Variants in QSER1 observed in about 807,000 individuals in gnomAD.
QSER1 encodes the protein glutamine and serine rich 1.
A neutral mutation model predicts 158.5 loss-of-function variants in QSER1; 49 were observed. The ratio of observed to expected loss-of-function variants is 0.31; its 90% confidence interval spans 0.25 to 0.39. QSER1 has a LOEUF of 0.39. Ranked by LOEUF, QSER1 falls within the 10% of genes least tolerant of loss-of-function variation. QSER1 has a pLI of 1.00. For missense variants in QSER1, 1,754 were observed against 2,010.3 expected, an observed-to-expected ratio of 0.87 and a Z score of 2.44; for synonymous variants, 650 against 715.5, an observed-to-expected ratio of 0.91 and a Z score of 1.46.
intron 1 of QSER1, among the ~76,000 whole-genome samples, chr11:32,917,027 TCCAC>T (rs923239530): frequency 1.3e-5 from 2 of 152,248 alleles, no homozygotes; most frequent in Non-Finnish European, 2.9e-5. Flanking sequence ...CCTCAGGTGA[TCCAC>T]CCACCTCGGC....
chr11:32,902,986 G>A (rs1374782833), intron 1 of QSER1, among the ~76,000 whole-genome samples: 1 of 152,146 alleles, frequency 6.6e-6, no homozygotes, highest in Non-Finnish European at 1.5e-5. Flanking sequence ...TTAATCATAA[G>A]CTTTCAGGGA....
chr11:32,903,498 G>C (rs1851650323), intron 1 of QSER1, among the ~76,000 whole-genome samples: 1 of 151,220 alleles, frequency 6.6e-6, no homozygotes, highest in Non-Finnish European at 1.5e-5. Flanking sequence ...GACTGGGCAG[G>C]CTCATTGAAA....
intron 4 of QSER1, among the ~76,000 whole-genome samples, chr11:32,951,102 T>C (rs2133577865): frequency 6.6e-6 from 1 of 152,354 alleles, no homozygotes; most frequent in Admixed American, 6.5e-5. Context: ...TCATCAGTGA[T>C]CTATAAGGAT....
At chr11:32,902,690 G>A (rs980738516) in intron 1 of QSER1, among the ~76,000 whole-genome samples, 2 of 152,278 alleles carry the variant, frequency 1.3e-5, no homozygotes, top group East Asian at 3.9e-4. Flanking sequence ...CAGAGATTAA[G>A]GTCTTTGAGG....
At chr11:32,907,209 T>A (rs1349259664) in intron 1 of QSER1, among the ~76,000 whole-genome samples, 1 of 152,188 alleles carries the variant, frequency 6.6e-6, no homozygotes, top group Non-Finnish European at 1.5e-5. Flanking sequence ...TCTAAAAGTT[T>A]GTAAGGAAAG....
chr11:32,973,514 C>A lies in QSER1; in HGVS notation c.5323C>A (p.Leu1775Ile). ...TGGCAAAGCCTATAATAAGAAAACT[C>A]TAAGGACTTCTAAAACAACCACCAA... Reference protein sequence around the residue: ...MNGKAYNKKTLRTSKTTTKSA... With the variant: ...MNGKAYNKKTIRTSKTTTKSA... The change falls in exon 11 of 13, where the codon CTA becomes ATA. Residue 1775 changes from leucine to isoleucine, a missense_variant. Transcript: ENST00000650167. 6.2e-7 allele frequency: 1 copy of A among 1,611,872 alleles called. No individual in the cohort carries two copies. The highest frequency in any genetic ancestry group is 8.5e-7 in the Non-Finnish European group (1 of 1,179,400).
chr11:32,932,084 C>T lies in QSER1; in HGVS notation c.826C>T (p.Pro276Ser), dbSNP rs778543172. Residue 276 changes from proline to serine, a missense_variant, in exon 4 of 13, where the codon CCT becomes TCT. Physicochemically the swap from Pro to Ser is moderately conservative, Grantham distance 74. This residue lies in a region of QSER1 where 1,707 missense variants were observed against 1,919.6 expected (regional missense o/e 0.89). Transcript: ENST00000650167. ...AGAGTCTGCACCCCATCTTTTACAACCTCAATTTAGTTTGTTGCCTTCAGC... is the reference window on the plus strand; with the variant it reads ...AGAGTCTGCACCCCATCTTTTACAATCTCAATTTAGTTTGTTGCCTTCAGC... ...AQESAPHLLQ[P>S]QFSLLPSALG... is the part of the protein sequence containing the mutation. The T allele has an allele frequency of 1.9e-6, 3 of 1,614,146 alleles. No homozygotes were observed. The highest frequency in any genetic ancestry group is 2.2e-5 in the South Asian group (2 of 91,084).
At position 32,934,316 on chromosome 11, in the gene QSER1, C is replaced by G; in HGVS notation, c.3058C>G (p.Gln1020Glu). ...VEDGDSKSHFQQSLDVRHVTS... is the reference protein window; with the variant it reads ...VEDGDSKSHFEQSLDVRHVTS... ...AGATGGTGATTCTAAATCTCATTTT[C>G]AGCAGTCATTAGATGTCAGGCATGT... Residue 1020 changes from glutamine to glutamate, a missense_variant, in exon 4 of 13, where the codon CAG becomes GAG. Gln to Glu is a conservative substitution (Grantham distance 29). Around this residue, in one of 2 missense-constraint regions of QSER1, gnomAD observed 1,707 missense variants for 1,919.6 expected, o/e 0.89. Coordinates refer to ENST00000650167, the MANE Select transcript of QSER1 (RefSeq NM_001076786.3). 1.2e-6 allele frequency: 2 copies of G among 1,614,000 alleles called. No individual in the cohort carries two copies. The highest frequency in any genetic ancestry group is 2.2e-5 in the South Asian group (2 of 91,060).
chr11:32,898,521 C>T (rs1402477227), intron 1 of QSER1, among the ~76,000 whole-genome samples: 8 of 141,052 alleles, frequency 5.7e-5, no homozygotes, highest in African/African-American at 2.2e-4. Context: ...CACACACACA[C>T]ACACACACAT....
chr11:32,929,674 ATTAGTG>A (rs1485581432), intron 3 of QSER1, among the ~76,000 whole-genome samples: 2 of 152,286 alleles, frequency 1.3e-5, no homozygotes, highest in East Asian at 1.9e-4. Context: ...GGAAGAAGGT[ATTAGTG>A]TTAGTGTGTT....
chr11:32,924,453 G>A (rs753660000), intron 1 of QSER1, among the ~76,000 whole-genome samples: 10 of 151,108 alleles, frequency 6.6e-5, no homozygotes, highest in East Asian at 1.9e-4. Flanking sequence ...CCAGCTACTC[G>A]AGAGACTGAG....
intron 3 of QSER1, among the ~76,000 whole-genome samples, chr11:32,930,088 CTT>C (rs1460433086): frequency 1.3e-5 from 2 of 152,250 alleles, no homozygotes; most frequent in Non-Finnish European, 1.5e-5. Context: ...TTATTTGTAA[CTT>C]TACATTTAGT....
intron 1 of QSER1, among the ~76,000 whole-genome samples, chr11:32,914,423 A>T (rs1013253099): frequency 2.0e-5 from 3 of 152,198 alleles, no homozygotes; most frequent in Non-Finnish European, 2.9e-5. Flanking sequence ...GCTTAAAGAG[A>T]ATTCTATTTT....
Position 32,935,198 on chromosome 11 carries a change from C to A in QSER1, c.3940C>A (p.Arg1314Ser). ...TAGACGGCCAGGGACCCAGATGGTTCGTACATTTTGTCCCCCACCACTTCC... is the reference window on the plus strand; with the variant it reads ...TAGACGGCCAGGGACCCAGATGGTTAGTACATTTTGTCCCCCACCACTTCC... ...RTRRPGTQMVRTFCPPPLPKP... is the reference protein window; with the variant it reads ...RTRRPGTQMVSTFCPPPLPKP... Residue 1314 changes from arginine to serine, a missense_variant, in exon 4 of 13, where the codon CGT (arginine) becomes AGT (serine). Transcript: ENST00000650167. 6.2e-7 allele frequency: 1 copy of A among 1,613,960 alleles called. No individual in the cohort carries two copies. The highest frequency in any genetic ancestry group is 8.5e-7 in the Non-Finnish European group (1 of 1,179,906).
chr11:32,976,566 T>A lies in QSER1; in HGVS notation c.*92T>A. The stretch of plus-strand genomic sequence containing the variant: ...AATCAGATGTCAAGTAGTGGCCTTC[T>A]GCAGGCCGGCCGCTTCCATCATGGA... On this transcript the variant is annotated 3_prime_UTR_variant, in exon 13 of 13. Coordinates refer to ENST00000650167, the MANE Select transcript of QSER1 (RefSeq NM_001076786.3). 7.2e-7 allele frequency: 1 copy of A among 1,383,066 alleles called. No individual in the cohort carries two copies. Among genetic ancestry groups the A allele is most frequent in the Non-Finnish European group, 1.0e-6 (1 of 993,466 alleles). 85.7% of individuals were successfully genotyped at this position (1,383,066 alleles called of 1,614,324 possible).
At chr11:32,961,143 T>C (rs1852616080) in intron 8 of QSER1, among the ~76,000 whole-genome samples, 1 of 152,170 alleles carries the variant, frequency 6.6e-6, no homozygotes, top group African/African-American at 2.4e-5. Context: ...TACATTCAGT[T>C]TGTTATTATA....
At chr11:32,922,038 C>T (rs985792352) in intron 1 of QSER1, among the ~76,000 whole-genome samples, 3 of 152,098 alleles carry the variant, frequency 2.0e-5, no homozygotes, top group African/African-American at 7.2e-5. Flanking sequence ...GGAACCATCG[C>T]ACATTGAAAT....
chr11:32,908,046 G>C (rs1851716204), intron 1 of QSER1, among the ~76,000 whole-genome samples: 1 of 152,134 alleles, frequency 6.6e-6, no homozygotes, highest in South Asian at 2.1e-4. Flanking sequence ...GCTGCAGTGA[G>C]CCATGATCAC....
At chr11:32,901,573 G>T (rs1386569430) in intron 1 of QSER1, among the ~76,000 whole-genome samples, 1 of 152,210 alleles carries the variant, frequency 6.6e-6, no homozygotes, top group Non-Finnish European at 1.5e-5. Context: ...TGCTAGGCCA[G>T]TTAAGGGCTG....
Sources: gnomAD v4.1 joint callset for allele counts (sites outside exome capture counted in the v4.1 genomes callset) on GRCh38, gnomAD v4.1.1 for gene constraint, gnomAD v4.1.1 regional missense constraint, MANE v1.5 for transcripts, NCBI Gene and HGNC (gene_info 2026-07-23, HGNC 2026-07-21) for gene names.